The following PATJ variants were observed in gnomAD, a reference collection of about 807,000 sequenced individuals.
The protein encoded by PATJ is inaD-like protein.
In PATJ, 190 loss-of-function variants were observed where a neutral mutation model predicts 224.9. The observed-to-expected ratio is 0.84, with a 90% confidence interval of 0.75 to 0.95. PATJ has a LOEUF of 0.95. Ranked by LOEUF, PATJ falls within the 40% of genes least tolerant of loss-of-function variation. The pLI, the probability that PATJ is intolerant of heterozygous loss-of-function variation, is 0.00. For synonymous variants in PATJ, 769 were observed against 820.3 expected (o/e 0.94, Z 1.07); for missense variants, 2,121 against 2,270.3 (o/e 0.93, Z 1.34).
intron 32 of PATJ, among the ~76,000 whole-genome samples, chr1:62,082,452 T>C (rs1385089461): frequency 1.3e-5 from 2 of 152,234 alleles, no homozygotes; most frequent in African/African-American, 2.4e-5. Context: ...TGTGGCTCTG[T>C]GCCACTCCAA....
intron 7 of PATJ, among the ~76,000 whole-genome samples, chr1:61,780,149 T>G (rs1269216033): frequency 2.6e-5 from 4 of 152,068 alleles, no homozygotes; most frequent in African/African-American, 7.3e-5. Context: ...TGTTTGAGAA[T>G]GTTCATTTTA....
intron 28 of PATJ, among the ~76,000 whole-genome samples, chr1:61,997,713 A>G (rs1645449650): frequency 6.6e-6 from 1 of 151,804 alleles, no homozygotes; most frequent in South Asian, 2.1e-4. Context: ...TACTAGTTTA[A>G]AACACCCAAG....
Position 61,786,098 on chromosome 1 carries a change from C to T in PATJ, c.850-1656C>T, listed in dbSNP as rs148291684. 3.8e-3 allele frequency among the ~76,000 whole-genome samples: 573 copies of T among 152,224 alleles called. 3 individuals carry two copies. Among genetic ancestry groups the T allele is most frequent in the Middle Eastern group, 0.024 (7 of 294 alleles). On this transcript the variant is annotated intron_variant, in intron 7 of 43. Transcript: ENST00000642238. ...GTGCAGTGGCGTGATCTTTGCTCAC[C>T]GCAACCTCCGCCTCCCAGGTTCAAG... is the stretch of plus-strand genomic sequence containing the variant.
At chr1:61,901,810 G>T (rs1487443874) in intron 24 of PATJ, among the ~76,000 whole-genome samples, 3 of 152,150 alleles carry the variant, frequency 2.0e-5, no homozygotes, top group East Asian at 1.9e-4. Flanking sequence ...ATAATTATGT[G>T]TCAGGAGGAT....
intron 26 of PATJ, among the ~76,000 whole-genome samples, chr1:61,916,632 G>A (rs578106102): frequency 2.6e-4 from 40 of 152,242 alleles, no homozygotes; most frequent in Admixed American, 1.2e-3. Flanking sequence ...CTGTCTGATG[G>A]GTTCATCTTA....
intron 28 of PATJ, among the ~76,000 whole-genome samples, chr1:62,009,740 T>C (rs1316417637): frequency 1.3e-5 from 2 of 152,144 alleles, no homozygotes; most frequent in Non-Finnish European, 2.9e-5. Flanking sequence ...AGATTCATTG[T>C]TGTCATTTCA....
intron 21 of PATJ, among the ~76,000 whole-genome samples, chr1:61,879,142 G>T (rs1282457957): frequency 2.6e-5 from 4 of 152,194 alleles, no homozygotes; most frequent in African/African-American, 9.7e-5. Context: ...TTATAAACAT[G>T]ATAAAAACAA....
intron 42 of PATJ, 75 bp from the exon 43 acceptor site, chr1:62,153,283 C>T (rs1668817567): frequency 9.0e-7 from 1 of 1,107,892 alleles, no homozygotes; most frequent in Admixed American, 4.3e-5. Flanking sequence ...TCTCTCAAAT[C>T]TGTATTCTTC....
chr1:61,775,135 G>T lies in PATJ; in HGVS notation c.721-71G>T, dbSNP rs1350035097. ...GTTGCAAATCTGTTACTTTGGTAAT[G>T]ATTGTATTGGAAAGCTAAGAACCTG... On this transcript the variant is annotated intron_variant, in intron 6 of 43. Coordinates refer to ENST00000642238, the MANE Select transcript of PATJ (RefSeq NM_001350145.3). 7 of 1,431,102 alleles carry T rather than the reference G, an allele frequency of 4.9e-6. No individual in the cohort carries two copies. In the African/African-American group the frequency reaches 1.0e-4, roughly 21 times the overall value. The allele number at this position is 1,431,102 out of a possible 1,614,324, so 88.7% of individuals were successfully genotyped here.
At chr1:62,144,775 A>ATATATATATATATATATATAT (rs1218856613) in intron 41 of PATJ, among the ~76,000 whole-genome samples, 22 of 90,828 alleles carry the variant, frequency 2.4e-4, no homozygotes, top group South Asian at 1.7e-3. Context: ...GCAAAAAAAA[A>ATATATATATATATATATATAT]AAATATATAT....
chr1:61,796,714 CTTTCTTTCTT>C (rs1557661209), intron 10 of PATJ, among the ~76,000 whole-genome samples: 1,087 of 34,204 alleles, frequency 0.032, 6 homozygotes, highest in Middle Eastern at 0.065. Flanking sequence ...TTCTTTCTTT[CTTTCTTTCTT>C]TTTCTTTCTT....
chr1:61,885,710 A>G (rs1299206681), intron 22 of PATJ, among the ~76,000 whole-genome samples: 1 of 152,042 alleles, frequency 6.6e-6, no homozygotes, highest in African/African-American at 2.4e-5. Context: ...TCATGCTGCT[A>G]TAAAGACACA....
At chr1:61,886,394 G>A (rs1668840563) in intron 22 of PATJ, among the ~76,000 whole-genome samples, 2 of 152,162 alleles carry the variant, frequency 1.3e-5, no homozygotes, top group South Asian at 4.1e-4. Context: ...AGTTTTCCCG[G>A]GGCTTGGCCA....
intron 27 of PATJ, among the ~76,000 whole-genome samples, chr1:61,962,470 A>G (rs1412254797): frequency 6.6e-6 from 1 of 152,216 alleles, no homozygotes; most frequent in Admixed American, 6.5e-5. Flanking sequence ...TTTACAAAGC[A>G]GTTTTATAGT....
At chr1:61,842,407 G>A (rs1159693657) in intron 17 of PATJ, among the ~76,000 whole-genome samples, 1 of 152,142 alleles carries the variant, frequency 6.6e-6, no homozygotes, top group East Asian at 1.9e-4. Context: ...GAGAATAACA[G>A]GCAAGCAGCA....
chr1:61,855,522 C>G (rs1663511677), intron 17 of PATJ, among the ~76,000 whole-genome samples: 2 of 151,942 alleles, frequency 1.3e-5, no homozygotes, highest in African/African-American at 4.8e-5. Flanking sequence ...CACCTCAGCA[C>G]CCCCTGCTCC....
chr1:62,153,226 AGTT>A, intron 42 of PATJ, 129 bp from the exon 43 acceptor site: 1 of 554,838 alleles, frequency 1.8e-6, no homozygotes. Flanking sequence ...GCTTTCTGAG[AGTT>A]TGATCTGATA....
intron 43 of PATJ, among the ~76,000 whole-genome samples, chr1:62,155,515 T>C (rs1558245613): frequency 2.0e-5 from 3 of 151,904 alleles, no homozygotes; most frequent in Non-Finnish European, 4.4e-5. Flanking sequence ...ACAAGAGTAG[T>C]GGGAATAAAG....
At chr1:62,053,625 A>G (rs1337901852) in intron 31 of PATJ, among the ~76,000 whole-genome samples, 1 of 152,176 alleles carries the variant, frequency 6.6e-6, no homozygotes, top group Non-Finnish European at 1.5e-5. Context: ...AGGCTGAGGC[A>G]GGAGAATCGC....
Sources: gnomAD v4.1 joint callset for allele counts (sites outside exome capture counted in the v4.1 genomes callset) on GRCh38, gnomAD v4.1.1 for gene constraint, MANE v1.5 for transcripts, NCBI Gene and HGNC (gene_info 2026-07-23, HGNC 2026-07-21) for gene names.